Variants in ARHGAP44 observed in about 807,000 individuals in gnomAD.
ARHGAP44 encodes the protein rho GTPase-activating protein 44.
ARHGAP44 carries 43 observed loss-of-function variants against 106.8 expected under a neutral mutation model. The ratio of observed to expected loss-of-function variants is 0.40; its 90% CI spans 0.32 to 0.52. The LOEUF (loss-of-function observed/expected upper bound fraction) is 0.52, where lower values mean the gene tolerates loss of function less well. Ranked by LOEUF, ARHGAP44 falls within the 20% of genes least tolerant of loss-of-function variation. The pLI is 0.48. For synonymous variants in ARHGAP44, 439 were observed against 410.3 expected (o/e 1.07, Z -0.85); for missense variants, 866 against 1,050.5 (o/e 0.82, Z 2.43).
intron 3 of ARHGAP44, among the ~76,000 whole-genome samples, chr17:12,897,665 G>A (rs2037251654): frequency 6.7e-6 from 1 of 149,486 alleles, no homozygotes; most frequent in Non-Finnish European, 1.5e-5. Flanking sequence ...TCCAGGAACG[G>A]TTCCGGATGG....
In ARHGAP44 at chr17:12,984,871, G is replaced by A; in HGVS notation, c.2280G>A (p.Met760Ile). ...ASSPQSTEAP[M>I]LDGMSPGESM... is the part of the protein sequence containing the mutation. ...GTCCACAGTCCACGGAGGCCCCCAT[G>A]CTAGATGGCATGTCCCCTGGGGAAA... Residue 760 changes from methionine to isoleucine, a missense_variant, in exon 20 of 21, where the codon ATG becomes ATA. Coordinates refer to ENST00000379672, the MANE Select transcript of ARHGAP44 (RefSeq NM_014859.6). 6.2e-7 allele frequency: 1 copy of A among 1,613,734 alleles called. No homozygotes were observed. The highest frequency in any genetic ancestry group is 1.7e-5 in the Admixed American group (1 of 60,014).
intron 1 of ARHGAP44, among the ~76,000 whole-genome samples, chr17:12,893,110 G>T (rs574949444): frequency 9.2e-5 from 14 of 152,050 alleles, no homozygotes; most frequent in Non-Finnish European, 1.9e-4. Flanking sequence ...CTGCTCTAGT[G>T]GGGGGAGCAG....
At chr17:12,968,217 G>A (rs1359175708) in intron 16 of ARHGAP44, among the ~76,000 whole-genome samples, 7 of 152,092 alleles carry the variant, frequency 4.6e-5, no homozygotes, top group East Asian at 1.9e-4. Context: ...TTGCCACCTC[G>A]GGTGCTTGAA....
At position 12,980,171 on chromosome 17, in the gene ARHGAP44, C is replaced by G; in HGVS notation, c.1877C>G (p.Pro626Arg). 6.2e-7 allele frequency: 1 copy of G among 1,613,090 alleles called. No homozygotes were observed. The highest frequency in any genetic ancestry group is 8.5e-7 in the Non-Finnish European group (1 of 1,179,818). The part of the protein sequence containing the change: ...TQPGAQPGAQ[P>R]GASPSPSQPP... ...CCAGGGGCTCAACCTGGAGCTCAGC[C>G]GGGCGCCAGCCCCAGCCCCAGCCAG... Residue 626 changes from proline (P) to arginine (R), a missense_variant, in exon 19 of 21, where the codon CCG (proline) becomes CGG (arginine). Pro to Arg is a moderately radical substitution (Grantham distance 103). Transcript: ENST00000379672.
intron 1 of ARHGAP44, among the ~76,000 whole-genome samples, chr17:12,879,685 A>G (rs61577701): frequency 0.016 from 410 of 26,354 alleles, 9 homozygotes; most frequent in South Asian, 0.16. Context: ...GTGTATGTGT[A>G]TATATATATA....
Position 12,985,005 on chromosome 17 carries a change from C to T in ARHGAP44, c.2317+97C>T, listed in dbSNP as rs1180215246. 3.4e-6 allele frequency: 5 copies of T among 1,454,032 alleles called. No individual in the cohort carries two copies. The East Asian group carries it at 1.2e-4, about 34-fold the overall frequency. The allele number at this position is 1,454,032 out of a possible 1,614,324, so 90.1% of individuals were successfully genotyped here. A position where few individuals can be genotyped will look rare whatever the true frequency, so the allele number is the denominator to read the frequency against. ...AGTGTTACTGCCAGTGAACACATTC[C>T]TGCGTGCTTTGGGATGACTGGGCTG... is the stretch of plus-strand genomic sequence containing the variant. On this transcript the variant is annotated intron_variant, in intron 20 of 20. Coordinates refer to ENST00000379672, the MANE Select transcript of ARHGAP44 (RefSeq NM_014859.6).
At chr17:12,876,197 A>G (rs1597982540) in intron 1 of ARHGAP44, among the ~76,000 whole-genome samples, 1 of 152,010 alleles carries the variant, frequency 6.6e-6, no homozygotes, top group East Asian at 1.9e-4. Flanking sequence ...GACACTGAGG[A>G]CCTTCCTATA....
intron 1 of ARHGAP44, among the ~76,000 whole-genome samples, chr17:12,866,729 A>G (rs2036249112): frequency 6.6e-6 from 1 of 152,166 alleles, no homozygotes; most frequent in African/African-American, 2.4e-5. Flanking sequence ...AGAGGTGAAA[A>G]GACAAAGGGA....
At position 12,990,062 on chromosome 17, in the gene ARHGAP44, A is replaced by G. The variant is rs2040084826; in HGVS notation, c.2348A>G (p.His783Arg). Residue 783 changes from histidine to arginine, a missense_variant, in exon 21 of 21, where the codon CAC (histidine) becomes CGC (arginine). Transcript: ENST00000379672. Reference protein sequence around the residue: ...DLVHFDIPSIHIELGSTLRLS... With the variant: ...DLVHFDIPSIRIELGSTLRLS... Reference sequence around the variant, plus strand: ...GTCCACTTTGATATTCCCTCGATCCACATAGAGCTCGGGTCGACGCTCCGC... The same window carrying G: ...GTCCACTTTGATATTCCCTCGATCCGCATAGAGCTCGGGTCGACGCTCCGC... The G allele has an allele frequency of 6.2e-7, 1 of 1,612,034 alleles. No homozygotes were observed. Among genetic ancestry groups the G allele is most frequent in the Non-Finnish European group, 8.5e-7 (1 of 1,178,440 alleles).
chr17:12,865,318 A>G (rs1282256325), intron 1 of ARHGAP44, among the ~76,000 whole-genome samples: 1 of 152,218 alleles, frequency 6.6e-6, no homozygotes, highest in African/African-American at 2.4e-5. Context: ...ATCAAGCTCA[A>G]TAACCATTTT....
intron 7 of ARHGAP44, among the ~76,000 whole-genome samples, chr17:12,940,043 G>C (rs925893672): frequency 6.6e-6 from 1 of 152,228 alleles, no homozygotes; most frequent in Non-Finnish European, 1.5e-5. Flanking sequence ...GGGTTATGGG[G>C]TTGGTGCAGA....
Position 12,990,392 on chromosome 17 carries a change from T to C in ARHGAP44, c.*221T>C. 1.8e-6 allele frequency: 1 copy of C among 548,160 alleles called. No homozygotes were observed. The highest frequency in any genetic ancestry group is 3.2e-6 in the Non-Finnish European group (1 of 314,896). 34.0% of individuals were successfully genotyped at this position (548,160 alleles called of 1,614,324 possible). ...CCTTTCGGGTGGTGACTTCGGCCTT[T>C]TGTTTGACCTTTGCCTTTTGACTTT... On this transcript the variant is annotated 3_prime_UTR_variant, in exon 21 of 21. Coordinates refer to ENST00000379672, the MANE Select transcript of ARHGAP44 (RefSeq NM_014859.6).
At chr17:12,950,522 C>A (rs2038968120) in intron 12 of ARHGAP44, among the ~76,000 whole-genome samples, 1 of 152,174 alleles carries the variant, frequency 6.6e-6, no homozygotes, top group Non-Finnish European at 1.5e-5. Context: ...GTTTTTGAGT[C>A]CTGGCTTATT....
intron 18 of ARHGAP44, among the ~76,000 whole-genome samples, chr17:12,975,813 A>G (rs1442082196): frequency 1.3e-5 from 2 of 150,530 alleles, no homozygotes; most frequent in Non-Finnish European, 3.0e-5. Context: ...AAAAAAAAAA[A>G]AAAAGAAAAA....
chr17:12,935,214 A>T (rs1354021142), intron 7 of ARHGAP44, among the ~76,000 whole-genome samples: 1 of 152,164 alleles, frequency 6.6e-6, no homozygotes, highest in African/African-American at 2.4e-5. Context: ...AGAACACTTT[A>T]AAAAAATATT....
intron 4 of ARHGAP44, among the ~76,000 whole-genome samples, 153 bp downstream of exon 4, chr17:12,909,126 T>A (rs2037647268): frequency 6.6e-6 from 1 of 152,214 alleles, no homozygotes; most frequent in African/African-American, 2.4e-5. Flanking sequence ...TCAGAACTCT[T>A]GGCTCTAAAG....
intron 1 of ARHGAP44, among the ~76,000 whole-genome samples, chr17:12,808,770 T>G (rs987142365): frequency 6.6e-6 from 1 of 152,216 alleles, no homozygotes; most frequent in Non-Finnish European, 1.5e-5. Flanking sequence ...GGCTCCTCGT[T>G]ACTTATGCTA....
At chr17:12,803,210 G>T (rs939073317) in intron 1 of ARHGAP44, among the ~76,000 whole-genome samples, 1 of 151,524 alleles carries the variant, frequency 6.6e-6, no homozygotes, top group African/African-American at 2.4e-5. Flanking sequence ...GACCTCAGGT[G>T]ATCCACCCGC....
intron 18 of ARHGAP44, among the ~76,000 whole-genome samples, chr17:12,977,932 G>A (rs1216488689): frequency 1.3e-5 from 2 of 150,676 alleles, no homozygotes; most frequent in Non-Finnish European, 2.9e-5. Flanking sequence ...TAGCTACTTG[G>A]GAGGCTGAGG....
Sources: gnomAD v4.1 joint callset for allele counts (sites outside exome capture counted in the v4.1 genomes callset) on GRCh38, gnomAD v4.1.1 for gene constraint, MANE v1.5 for transcripts, NCBI Gene and HGNC (gene_info 2026-07-23, HGNC 2026-07-21) for gene names.